HDAC9: variants seen among roughly 807,000 people sequenced by gnomAD.
HDAC9 encodes the protein MEF-2 interacting transcription repressor (MITR) protein.
HDAC9 carries 41 observed loss-of-function variants against 139.4 expected under a neutral mutation model. The observed-to-expected ratio is 0.29, with a 90% CI of 0.23 to 0.38. The LOEUF is 0.38. HDAC9 is among the 10% of genes least tolerant of loss of function. The pLI, the probability that HDAC9 is intolerant of heterozygous loss-of-function variation, is 1.00. For missense variants in HDAC9, 1,147 were observed against 1,297.0 expected, an observed-to-expected ratio of 0.88 and a Z score of 1.78; for synonymous variants, 517 against 476.2, an observed-to-expected ratio of 1.09 and a Z score of -1.12.
At chr7:18,309,902 G>A (rs766322906) in intron 1 of HDAC9, among the ~76,000 whole-genome samples, 10 of 152,086 alleles carry the variant, frequency 6.6e-5, no homozygotes, top group African/African-American at 1.2e-4. Context: ...TGAAATCCAG[G>A]TGGTCCTTGT....
At chr7:18,655,928 G>T (rs537579276) in intron 11 of HDAC9, among the ~76,000 whole-genome samples, 17 of 152,150 alleles carry the variant, frequency 1.1e-4, no homozygotes, top group African/African-American at 3.6e-4. Flanking sequence ...TAATTTGGTT[G>T]TTTCCCAACC....
chr7:18,701,563 A>G (rs2129105192), intron 12 of HDAC9, among the ~76,000 whole-genome samples: 1 of 152,312 alleles, frequency 6.6e-6, no homozygotes, highest in African/African-American at 2.4e-5. Context: ...TATATACTAC[A>G]CACCCATATG....
intron 22 of HDAC9, among the ~76,000 whole-genome samples, chr7:18,892,992 G>A (rs1257841909): frequency 8.2e-6 from 1 of 121,790 alleles, no homozygotes; most frequent in African/African-American, 3.0e-5. Context: ...TTCTGCAGCT[G>A]TGTTGAGAGC....
intron 17 of HDAC9, among the ~76,000 whole-genome samples, chr7:18,803,185 C>G (rs939092747): frequency 3.3e-5 from 5 of 151,974 alleles, no homozygotes; most frequent in Non-Finnish European, 5.9e-5. Context: ...ATTTAACCTA[C>G]TTATAACACA....
chr7:18,334,630 T>G (rs1268482137), intron 1 of HDAC9, among the ~76,000 whole-genome samples: 1 of 151,556 alleles, frequency 6.6e-6, no homozygotes, highest in East Asian at 1.9e-4. Flanking sequence ...TATCCATTAT[T>G]TCCAGAAACT....
intron 1 of HDAC9, among the ~76,000 whole-genome samples, chr7:18,383,294 C>T (rs1785603762): frequency 6.6e-6 from 1 of 152,190 alleles, no homozygotes; most frequent in Non-Finnish European, 1.5e-5. Flanking sequence ...CTTCTTTCCC[C>T]ATATTGTTAC....
intron 22 of HDAC9, among the ~76,000 whole-genome samples, chr7:18,927,029 A>C (rs1319673364): frequency 6.6e-6 from 1 of 152,212 alleles, no homozygotes; most frequent in East Asian, 1.9e-4. Context: ...TGGGACATCA[A>C]ATAAGTAAAA....
chr7:18,370,778 C>T (rs1784535828), intron 1 of HDAC9, among the ~76,000 whole-genome samples: 1 of 152,142 alleles, frequency 6.6e-6, no homozygotes, highest in Non-Finnish European at 1.5e-5. Flanking sequence ...TTCTAGATGA[C>T]AGCCAGTTGC....
At chr7:18,486,499 C>T (rs939263302) in intron 1 of HDAC9, among the ~76,000 whole-genome samples, 1 of 152,058 alleles carries the variant, frequency 6.6e-6, no homozygotes, top group Non-Finnish European at 1.5e-5. Context: ...TTGATGTTCT[C>T]AGAGTGTCTC....
chr7:18,409,733 A>G (rs60119931), intron 1 of HDAC9, among the ~76,000 whole-genome samples: 1,533 of 152,342 alleles, frequency 0.01, 26 homozygotes, highest in African/African-American at 0.035. Flanking sequence ...ATTCCACATA[A>G]TGAACTAAAT....
At chr7:18,961,809 G>A (rs1328824443) in intron 24 of HDAC9, among the ~76,000 whole-genome samples, 1 of 152,146 alleles carries the variant, frequency 6.6e-6, no homozygotes, top group Non-Finnish European at 1.5e-5. Flanking sequence ...AGGTTACACA[G>A]CTAATGAGTG....
chr7:18,315,059 G>T (rs1029170917), intron 1 of HDAC9, among the ~76,000 whole-genome samples: 3 of 152,166 alleles, frequency 2.0e-5, no homozygotes, highest in Non-Finnish European at 4.4e-5. Flanking sequence ...GTTGTGATCT[G>T]ATTGTAGGTA....
At chr7:18,450,773 G>A (rs1164405858) in intron 1 of HDAC9, among the ~76,000 whole-genome samples, 1 of 152,110 alleles carries the variant, frequency 6.6e-6, no homozygotes, top group South Asian at 2.1e-4. Context: ...TTAGGAAGAG[G>A]TGAAGCTTCA....
At chr7:18,264,025 C>T (rs1460294178) in intron 2 of HDAC9, among the ~76,000 whole-genome samples, 1 of 152,146 alleles carries the variant, frequency 6.6e-6, no homozygotes, top group South Asian at 2.1e-4. Context: ...GAATTGTAAA[C>T]ATTTATGCAC....
intron 22 of HDAC9, among the ~76,000 whole-genome samples, chr7:18,894,188 A>G (rs1338316033): frequency 6.6e-6 from 1 of 152,150 alleles, no homozygotes; most frequent in Non-Finnish European, 1.5e-5. Flanking sequence ...ATGTGGAAAA[A>G]GGTTTAAGCT....
At chr7:18,359,345 C>T (rs1562915113) in intron 1 of HDAC9, among the ~76,000 whole-genome samples, 1 of 152,016 alleles carries the variant, frequency 6.6e-6, no homozygotes, top group Non-Finnish European at 1.5e-5. Context: ...GAGACTCTGT[C>T]TAAAATAAAA....
chr7:18,717,431 CTTTTTTT>C (rs59746761), intron 12 of HDAC9, among the ~76,000 whole-genome samples: 9 of 137,254 alleles, frequency 6.6e-5, no homozygotes, highest in African/African-American at 1.7e-4. Flanking sequence ...TTACAATTTC[CTTTTTTT>C]TTTTTTTTTT....
At position 18,645,854 on chromosome 7, in the gene HDAC9, G is replaced by A. The variant is rs547132132; in HGVS notation, c.1035+1061G>A. Among the ~76,000 whole-genome samples the A allele has an allele frequency of 7.2e-5, 11 of 152,128 alleles. No homozygotes were observed. The East Asian group carries it at 7.8e-4, about 11-fold the overall frequency. ...TATGTTCAACACATAGTTTCAATGC[G>A]TATTTTAAAATCAACCTAAGAGATA... On this transcript the variant is annotated intron_variant, in intron 9 of 25. Coordinates refer to ENST00000686413, the MANE Select transcript of HDAC9 (RefSeq NM_178425.4).
At chr7:18,906,290 A>G (rs1802255852) in intron 22 of HDAC9, among the ~76,000 whole-genome samples, 1 of 151,798 alleles carries the variant, frequency 6.6e-6, no homozygotes, top group Admixed American at 6.6e-5. Context: ...GATTACAGGC[A>G]CTTGCCACCA....
Sources: allele counts gnomAD v4.1 joint callset (sites outside exome capture counted in the v4.1 genomes callset), GRCh38; gene constraint gnomAD v4.1.1; transcripts MANE v1.5; gene names NCBI Gene and HGNC (gene_info 2026-07-23, HGNC 2026-07-21).